The following WLS variants were observed in gnomAD, a reference collection of about 807,000 sequenced individuals.
The protein encoded by WLS is Wnt ligand secretion mediator, also known as protein wntless homolog.
Under a neutral mutation model 62.8 loss-of-function variants are expected in WLS, and 23 were observed. The ratio of observed to expected loss-of-function variants is 0.37; its 90% CI spans 0.26 to 0.52. The LOEUF (loss-of-function observed/expected upper bound fraction) is 0.52. Among genes scored for constraint, WLS ranks in the 20% least tolerant of loss-of-function variants. The probability of loss-of-function intolerance (pLI) is 0.92; values close to 1 mark genes in which losing one functional copy is unlikely to be tolerated. For missense variants in WLS, 615 were observed against 697.3 expected, an observed-to-expected ratio of 0.88 and a Z score of 1.33; for synonymous variants, 246 against 244.1, an observed-to-expected ratio of 1.01 and a Z score of -0.07.
chr1:68,146,003 T>C lies in WLS; in HGVS notation c.1144A>G (p.Ile382Val), dbSNP rs1167594366. The change falls in exon 9 of 12, where the codon ATC becomes GTC. Residue 382 changes from isoleucine (I) to valine (V), a missense_variant. Ile to Val is a conservative substitution (Grantham distance 29). Coordinates refer to ENST00000262348, the MANE Select transcript of WLS (RefSeq NM_024911.7). ...CAGAGGCAGATTCCAGCCACGATGA[T>C]GAAGGCCATCTGGTCGTGTCCAGTA... ...DIGTELAMAF[I>V]IVAGICLCLY... is the part of the protein sequence containing the mutation. 2.5e-6 allele frequency: 4 copies of C among 1,613,970 alleles called. No homozygotes were observed. The highest frequency in any genetic ancestry group is 2.2e-5 in the East Asian group (1 of 44,892).
chr1:68,170,669 T>C (rs982858706), intron 2 of WLS, among the ~76,000 whole-genome samples: 15 of 151,338 alleles, frequency 9.9e-5, no homozygotes, highest in Admixed American at 8.6e-4. Context: ...TCCCCCCAGA[T>C]TTACTCTTGC....
intron 1 of WLS, among the ~76,000 whole-genome samples, chr1:68,223,062 ATACTTC>A (rs1650006337): frequency 6.6e-6 from 1 of 152,156 alleles, no homozygotes; most frequent in Admixed American, 6.5e-5. Flanking sequence ...TCATGTTACC[ATACTTC>A]TACAAGTCTG....
intron 11 of WLS, among the ~76,000 whole-genome samples, chr1:68,113,601 T>G (rs1255021044): frequency 6.6e-6 from 1 of 152,078 alleles, no homozygotes; most frequent in Non-Finnish European, 1.5e-5. Flanking sequence ...CCCCCTTGGG[T>G]AGGGGACGTG....
intron 9 of WLS, among the ~76,000 whole-genome samples, 196 bp from the exon 10 acceptor site, chr1:68,144,848 C>G (rs1336881790): frequency 1.3e-5 from 2 of 152,074 alleles, no homozygotes; most frequent in African/African-American, 4.8e-5. Context: ...CAAGTATTTC[C>G]TATGTTCTTA....
intron 1 of WLS, among the ~76,000 whole-genome samples, chr1:68,229,369 C>T (rs971150849): frequency 6.6e-6 from 1 of 152,162 alleles, no homozygotes; most frequent in African/African-American, 2.4e-5. Context: ...TATATTCTGG[C>T]CAGTTCAAAG....
At chr1:68,102,310 G>A (rs893938870) in intron 11 of WLS, among the ~76,000 whole-genome samples, 1 of 152,140 alleles carries the variant, frequency 6.6e-6, no homozygotes, top group African/African-American at 2.4e-5. Context: ...GTTGGAGAAG[G>A]GTCCTAAACA....
Position 68,161,816 on chromosome 1 carries a change from C to T in WLS, c.380-2569G>A. ...TTTGTGGGCTGGTTGGGAGAGGGCGCCTGGGAAGGATGTGCCACTGTTGGG... is the reference window on the plus strand; with the variant it reads ...TTTGTGGGCTGGTTGGGAGAGGGCGTCTGGGAAGGATGTGCCACTGTTGGG... On this transcript the variant is annotated intron_variant, in intron 2 of 11. Transcript: ENST00000262348. 1.3e-5 allele frequency: 21 copies of T among 1,603,836 alleles called. No homozygotes were observed. The South Asian group carries it at 2.3e-4, about 18-fold the overall frequency.
At chr1:68,182,969 C>T (rs894200308) in intron 2 of WLS, among the ~76,000 whole-genome samples, 24 of 152,242 alleles carry the variant, frequency 1.6e-4, no homozygotes, top group Middle Eastern at 3.4e-3. Flanking sequence ...GGTGCGATCT[C>T]GGCTTGCTGC....
At chr1:68,102,035 A>G (rs760690254) in intron 11 of WLS, among the ~76,000 whole-genome samples, 3 of 152,088 alleles carry the variant, frequency 2.0e-5, no homozygotes, top group Non-Finnish European at 2.9e-5. Flanking sequence ...GGAGCTGCAG[A>G]CTCTGCACAC....
Position 68,102,187 on chromosome 1 carries a change from C to A in WLS, c.1511-3434G>T, listed in dbSNP as rs1464446561. On this transcript the variant is annotated intron_variant, in intron 11 of 11. Transcript: ENST00000354777. ...GAGGAAACATTTCTCCTCCTGCATT[C>A]TTCCCAGCCTGTAACAGGACTTTCT... is the stretch of plus-strand genomic sequence containing the variant. Among the ~76,000 whole-genome samples, 9 of 152,346 alleles carry A rather than the reference C, an allele frequency of 5.9e-5. No individual in the cohort carries two copies. In the East Asian group the frequency reaches 1.5e-3, roughly 26 times the overall value.
chr1:68,210,977 T>C (rs1649493184), intron 1 of WLS, among the ~76,000 whole-genome samples: 1 of 152,038 alleles, frequency 6.6e-6, no homozygotes, highest in South Asian at 2.1e-4. Context: ...CTCTGATGCC[T>C]CTTTCTTGGA....
At chr1:68,191,775 G>C (rs1648319289) in intron 2 of WLS, among the ~76,000 whole-genome samples, 1 of 152,122 alleles carries the variant, frequency 6.6e-6, no homozygotes, top group South Asian at 2.1e-4. Flanking sequence ...TGCAAATTTG[G>C]ACCTTCATAT....
At chr1:68,100,166 C>T (rs1646058219) in intron 11 of WLS, among the ~76,000 whole-genome samples, 1 of 152,196 alleles carries the variant, frequency 6.6e-6, no homozygotes, top group Admixed American at 6.5e-5. Flanking sequence ...TGTTACAGTG[C>T]AGGAAACTGC....
intron 1 of WLS, among the ~76,000 whole-genome samples, chr1:68,200,999 GC>G (rs1322751025): frequency 3.9e-5 from 6 of 152,068 alleles, no homozygotes; most frequent in Admixed American, 3.9e-4. Context: ...TTTTTCAAAT[GC>G]CCCCAAAGTA....
chr1:68,232,110 C>G, intron 1 of WLS, 84 bp downstream of exon 1: 1 of 1,569,416 alleles, frequency 6.4e-7, no homozygotes, highest in South Asian at 1.2e-5. Flanking sequence ...GGCAGTGATA[C>G]TGTAACAAGT....
intron 11 of WLS, among the ~76,000 whole-genome samples, chr1:68,119,799 C>A (rs891006191): frequency 6.6e-6 from 1 of 152,250 alleles, no homozygotes; most frequent in Non-Finnish European, 1.5e-5. Flanking sequence ...TTTTAAAAAT[C>A]CTGCCCACTC....
chr1:68,115,942 A>G (rs545221378), intron 11 of WLS, among the ~76,000 whole-genome samples: 2 of 152,080 alleles, frequency 1.3e-5, no homozygotes, highest in Non-Finnish European at 2.9e-5. Context: ...GCATTTTTGT[A>G]TGTCTCACCC....
At chr1:68,128,449 ATCAAAATT>A (rs1474605028) in intron 11 of WLS, among the ~76,000 whole-genome samples, 1 of 152,236 alleles carries the variant, frequency 6.6e-6, no homozygotes, top group African/African-American at 2.4e-5. Flanking sequence ...TGTGTGAGTC[ATCAAAATT>A]TCAAAGAGTC....
In WLS at chr1:68,178,923, T is replaced by A. The variant is rs1266035450; in HGVS notation, c.379+15032A>T. On this transcript the variant is annotated intron_variant, in intron 2 of 11. Coordinates refer to ENST00000262348, the MANE Select transcript of WLS (RefSeq NM_024911.7). ...AACTGCTAAACTGAAAGATCTACCA[T>A]CCCATCATGAAACTCTTTGAGGTTA... Among the ~76,000 whole-genome samples the A allele has an allele frequency of 4.6e-5, 7 of 152,154 alleles. No homozygotes were observed. In the East Asian group the frequency reaches 1.3e-3, roughly 29 times the overall value.
Sources: allele counts gnomAD v4.1 joint callset (sites outside exome capture counted in the v4.1 genomes callset), GRCh38; gene constraint gnomAD v4.1.1; transcripts MANE v1.5; gene names NCBI Gene and HGNC (gene_info 2026-07-23, HGNC 2026-07-21).